Variants in ABR observed in about 807,000 individuals in gnomAD.
ABR encodes the protein active breakpoint cluster region-related protein.
A neutral mutation model predicts 107.2 loss-of-function variants in ABR; 35 were observed. The observed-to-expected ratio is 0.33, with a 90% CI of 0.25 to 0.43. The LOEUF (loss-of-function observed/expected upper bound fraction) is 0.43. Ranked by LOEUF, ABR falls within the 20% of genes least tolerant of loss-of-function variation. The pLI is 1.00. For missense variants in ABR, 815 were observed against 1,115.2 expected (o/e 0.73, Z 3.83); for synonymous variants, 498 against 462.0 (o/e 1.08, Z -1.00).
intron 2 of ABR, among the ~76,000 whole-genome samples, chr17:1,122,069 A>AT (rs1170240743): frequency 2.6e-5 from 4 of 151,992 alleles, no homozygotes; most frequent in African/African-American, 9.7e-5. Flanking sequence ...CGCCCGGCTA[A>AT]TTTTTGTATT....
chr17:1,086,923 A>G (rs1207280852), intron 4 of ABR, among the ~76,000 whole-genome samples: 1 of 151,860 alleles, frequency 6.6e-6, no homozygotes, highest in Non-Finnish European at 1.5e-5. Context: ...CCTGGACAAC[A>G]TAGCAAGACC....
intron 1 of ABR, 22 bp from the exon 2 acceptor site, chr17:1,125,389 G>T (rs577120871): frequency 5.0e-6 from 8 of 1,610,450 alleles, no homozygotes; most frequent in Non-Finnish European, 6.8e-6. Context: ...AACAAGAAAG[G>T]CCACTGAGAA....
chr17:1,076,124 G>C (rs750572507), intron 6 of ABR, among the ~76,000 whole-genome samples: 1 of 152,152 alleles, frequency 6.6e-6, no homozygotes, highest in Non-Finnish European at 1.5e-5. Flanking sequence ...AGCTGGTCTC[G>C]AACTCCTGGC....
rs1322092582 is a variant in ABR at position 1,203,412 on chromosome 17, T to C, written c.838+25381A>G. ...GGGGCGGGGCCCGCGGGGGGCGGAG[T>C]CTGCGGGGGCGGGGCCCGCGGGGAC... is the stretch of plus-strand genomic sequence containing the variant. On this transcript the variant is annotated intron_variant, in intron 1 of 22. Transcript: ENST00000574139. Among the ~76,000 whole-genome samples, 26 of 56,222 alleles carry C rather than the reference T, an allele frequency of 4.6e-4. 9 individuals carry two copies. Among genetic ancestry groups the C allele is most frequent in the East Asian group, 1.5e-3 (4 of 2,604 alleles). The allele number at this position is 56,222 out of a possible 152,430, so 36.9% of individuals were successfully genotyped here.
chr17:1,033,505 A>G (rs2072958300), intron 16 of ABR, among the ~76,000 whole-genome samples: 1 of 152,174 alleles, frequency 6.6e-6, no homozygotes, highest in South Asian at 2.1e-4. Flanking sequence ...CACCCCTGTC[A>G]CTCACTGTGA....
intron 1 of ABR, among the ~76,000 whole-genome samples, chr17:1,142,512 G>C (rs1364088615): frequency 3.3e-5 from 5 of 151,834 alleles, no homozygotes; most frequent in African/African-American, 1.2e-4. Flanking sequence ...TTGAACCCGG[G>C]AGGCGGATGT....
chr17:1,013,625 G>C (rs936234606), intron 16 of ABR, among the ~76,000 whole-genome samples: 1 of 152,256 alleles, frequency 6.6e-6, no homozygotes, highest in Admixed American at 6.5e-5. Context: ...TGGAGGTGTT[G>C]AAGAGTCAGG....
chr17:1,092,171 T>C lies in ABR; in HGVS notation c.346-321A>G, dbSNP rs1172768634. On this transcript the variant is annotated intron_variant, in intron 3 of 22. Coordinates refer to ENST00000302538, the MANE Select transcript of ABR (RefSeq NM_021962.5). This position sits in a 1 kb window ranked among gnomAD's most constrained non-coding sequence, Gnocchi z 4.6. ...CAGGATCCGCGTCTTTCTTCCACGA[T>C]AGCCTGTGCCCCGAGTCATAAGCTC... Among the ~76,000 whole-genome samples the C allele has an allele frequency of 6.6e-6, 1 of 152,166 alleles. No homozygotes were observed. The highest frequency in any genetic ancestry group is 2.4e-5 in the African/African-American group (1 of 41,438).
chr17:1,215,520 C>T (rs187863489), intron 1 of ABR, among the ~76,000 whole-genome samples: 7 of 152,224 alleles, frequency 4.6e-5, no homozygotes, highest in Admixed American at 1.3e-4. Flanking sequence ...GGATTGCGGA[C>T]GGAGTCTCGT....
intron 2 of ABR, among the ~76,000 whole-genome samples, chr17:1,111,337 G>GA (rs1567776798): frequency 1.3e-5 from 2 of 152,138 alleles, no homozygotes; most frequent in African/African-American, 4.8e-5. Flanking sequence ...CCCGGTGGCT[G>GA]GAAATTCCAG....
At chr17:1,113,901 C>T (rs2038856395) in intron 2 of ABR, among the ~76,000 whole-genome samples, 1 of 152,182 alleles carries the variant, frequency 6.6e-6, no homozygotes, top group Non-Finnish European at 1.5e-5. Flanking sequence ...GGTGCAGTGG[C>T]TTACGCCTGA....
intron 1 of ABR, among the ~76,000 whole-genome samples, chr17:1,196,696 C>CT (rs377678872): frequency 0.026 from 3,515 of 134,850 alleles, 142 homozygotes; most frequent in East Asian, 0.14. Context: ...TCCAACCTTC[C>CT]TTTTTTTTTT....
Position 1,050,789 on chromosome 17 carries a change from C to A in ABR, c.1562-155G>T, listed in dbSNP as rs1169247684. 6.6e-6 allele frequency among the ~76,000 whole-genome samples: 1 copy of A among 152,070 alleles called. No individual in the cohort carries two copies. The highest frequency in any genetic ancestry group is 1.9e-4 in the East Asian group (1 of 5,170). On this transcript the variant is annotated intron_variant, in intron 14 of 22. Coordinates refer to ENST00000302538, the MANE Select transcript of ABR (RefSeq NM_021962.5). The surrounding 1 kb of genome is among the most constrained non-coding windows in gnomAD (Gnocchi z 4.6). ...TCTCCTCCCTGAAGCCCGGGACCAT[C>A]TGGCTTCTCCCCTGCCCCCTTCTTA...
chr17:1,025,297 AAAC>A (rs1010371238), intron 16 of ABR, among the ~76,000 whole-genome samples: 2 of 152,076 alleles, frequency 1.3e-5, no homozygotes, highest in Admixed American at 6.6e-5. Context: ...CTCTGTCTCA[AAAC>A]AACAACAGCA....
At chr17:1,026,924 C>T (rs2663329) in intron 16 of ABR, among the ~76,000 whole-genome samples, 2,916 of 147,746 alleles carry the variant, frequency 0.02, 96 homozygotes, top group African/African-American at 0.069. Context: ...GGCTTGGGGG[C>T]GCTTCCAAAA....
In ABR at chr17:1,051,273, C is replaced by T. The variant is rs941593883; in HGVS notation, c.1562-639G>A. 5.9e-5 allele frequency among the ~76,000 whole-genome samples: 9 copies of T among 152,206 alleles called. No individual in the cohort carries two copies. Among genetic ancestry groups the T allele is most frequent in the African/African-American group, 1.7e-4 (7 of 41,456 alleles). ...TGCGTCCCTAGTCTCTCTCCCCCCA[C>T]GACGTAAACACCATGTGGAGAGAAG... On this transcript the variant is annotated intron_variant, in intron 14 of 22. Coordinates refer to ENST00000302538, the MANE Select transcript of ABR (RefSeq NM_021962.5). This position sits in a 1 kb window ranked among gnomAD's most constrained non-coding sequence, Gnocchi z 4.3.
intron 16 of ABR, among the ~76,000 whole-genome samples, chr17:1,030,767 A>AG (rs2072663442): frequency 6.6e-6 from 1 of 152,260 alleles, no homozygotes; most frequent in Non-Finnish European, 1.5e-5. Context: ...GGACTGGCCA[A>AG]GGCCTCCCTT....
In ABR at chr17:1,037,729, A is replaced by G. The variant is rs2073304644; in HGVS notation, c.1791+12321T>C. Among the ~76,000 whole-genome samples, 1 of 152,026 alleles carries G rather than the reference A, an allele frequency of 6.6e-6. No homozygotes were observed. The highest frequency in any genetic ancestry group is 6.6e-5 in the Admixed American group (1 of 15,262). On this transcript the variant is annotated intron_variant, in intron 16 of 22. Coordinates refer to ENST00000302538, the MANE Select transcript of ABR (RefSeq NM_021962.5). The surrounding 1 kb of genome is among the most constrained non-coding windows in gnomAD (Gnocchi z 4.6). ...GCCATAAATTGCAGCCTGAGGCAGG[A>G]GGGGCTGAGGCCTGAAGGTGGGATG...
At chr17:1,176,155 G>A (rs2041912308) in intron 1 of ABR, among the ~76,000 whole-genome samples, 1 of 151,662 alleles carries the variant, frequency 6.6e-6, no homozygotes, top group African/African-American at 2.4e-5. Context: ...CACCTTAGGA[G>A]CAGAGAGCCA....
Sources: allele counts gnomAD v4.1 joint callset (sites outside exome capture counted in the v4.1 genomes callset), GRCh38; gene constraint gnomAD v4.1.1; non-coding constraint Gnocchi (gnomAD v3.1); transcripts MANE v1.5; gene names NCBI Gene and HGNC (gene_info 2026-07-23, HGNC 2026-07-21).